Variants in PLAAT3 observed in about 807,000 individuals in gnomAD.
The protein encoded by PLAAT3 is Ca-independent phospholipase A1/2.
A neutral mutation model predicts 16.7 loss-of-function variants in PLAAT3; 21 were observed. The ratio of observed to expected loss-of-function variants is 1.26; its 90% CI spans 0.89 to 1.81. The LOEUF (loss-of-function observed/expected upper bound fraction) is 1.81. Ranked by LOEUF, PLAAT3 falls within the 40% of genes most tolerant of loss-of-function variation. The pLI is 0.00. For synonymous variants in PLAAT3, 76 were observed against 81.7 expected (o/e 0.93, Z 0.38); for missense variants, 219 against 213.7 (o/e 1.02, Z -0.16).
At chr11:63,592,351 G>A (rs929756806) in intron 3 of PLAAT3, among the ~76,000 whole-genome samples, 1 of 152,024 alleles carries the variant, frequency 6.6e-6, no homozygotes, top group Non-Finnish European at 1.5e-5. Flanking sequence ...ATTTTCAGTA[G>A]AGATGGGGTT....
At position 63,592,145 on chromosome 11, in the gene PLAAT3, C is replaced by T. The variant is rs114703407; in HGVS notation, c.119-1777G>A. Among the ~76,000 whole-genome samples, 947 of 152,234 alleles carry T rather than the reference C, an allele frequency of 6.2e-3. 11 individuals are homozygous for T. The highest frequency in any genetic ancestry group is 0.021 in the African/African-American group (881 of 41,532). On this transcript the variant is annotated intron_variant, in intron 3 of 4. Transcript: ENST00000415826. ...AAATTGATGCACAAATACATATCAACACAGTAATTTAAAGTTCCTTCTTTT... is the reference window on the plus strand; with the variant it reads ...AAATTGATGCACAAATACATATCAATACAGTAATTTAAAGTTCCTTCTTTT...
At chr11:63,578,341 G>C (rs1937686071) in intron 4 of PLAAT3, among the ~76,000 whole-genome samples, 1 of 151,438 alleles carries the variant, frequency 6.6e-6, no homozygotes, top group South Asian at 2.1e-4. Context: ...ATGGATAAAA[G>C]TAGACCTACA....
chr11:63,598,283 T>A (rs1348049785), intron 2 of PLAAT3, 120 bp from the exon 3 acceptor site: 1 of 687,972 alleles, frequency 1.5e-6, no homozygotes, highest in Admixed American at 2.2e-5. Context: ...ACATATGTCC[T>A]GAGCCCTGCT....
upstream of PLAAT3, among the ~76,000 whole-genome samples, chr11:63,616,082 C>A (rs1938866033): frequency 6.6e-6 from 1 of 152,100 alleles, no homozygotes; most frequent in African/African-American, 2.4e-5. Context: ...ATATGCATTA[C>A]CTCACATACT....
rs1351107163 is a variant in PLAAT3, at chr11:63,606,105, G to C, written c.15+7895C>G. 3.9e-5 allele frequency among the ~76,000 whole-genome samples: 6 copies of C among 152,114 alleles called. No homozygotes were observed. The South Asian group carries it at 1.2e-3, about 32-fold the overall frequency. ...CCCCTCTTCCGCCATCAAGAGCGCG[G>C]TGTAAGCGGCCAACGACACCCCTGG... On this transcript the variant is annotated intron_variant, in intron 2 of 4. Coordinates refer to ENST00000415826, the MANE Select transcript of PLAAT3 (RefSeq NM_001128203.2).
intron 2 of PLAAT3, among the ~76,000 whole-genome samples, chr11:63,610,259 G>A (rs1938661391): frequency 6.6e-6 from 1 of 152,176 alleles, no homozygotes. Flanking sequence ...CCTCGAGATG[G>A]GCTCAACATG....
At chr11:63,614,887 C>T (rs1277614517), upstream of PLAAT3, among the ~76,000 whole-genome samples, 1 of 150,364 alleles carries the variant, frequency 6.7e-6, no homozygotes, top group African/African-American at 2.4e-5. Flanking sequence ...TGGAGGCATG[C>T]GCCTGTAGTC....
At chr11:63,583,944 T>G (rs966809633) in intron 4 of PLAAT3, among the ~76,000 whole-genome samples, 5 of 152,212 alleles carry the variant, frequency 3.3e-5, no homozygotes, top group African/African-American at 1.2e-4. Context: ...TGCCTTCACT[T>G]TCAACAATGT....
At chr11:63,589,001 G>A (rs1472719621) in intron 4 of PLAAT3, among the ~76,000 whole-genome samples, 4 of 146,436 alleles carry the variant, frequency 2.7e-5, no homozygotes, top group Admixed American at 6.8e-5. Flanking sequence ...AAAAAAAAGA[G>A]GAGGATAATT....
chr11:63,602,819 G>A (rs531175595), intron 2 of PLAAT3, among the ~76,000 whole-genome samples: 20 of 152,238 alleles, frequency 1.3e-4, no homozygotes, highest in Non-Finnish European at 2.5e-4. Context: ...ATGGCCAGGC[G>A]CAGCGGCTCA....
chr11:63,604,992 T>C (rs1019029074), intron 2 of PLAAT3, among the ~76,000 whole-genome samples: 5 of 152,218 alleles, frequency 3.3e-5, no homozygotes, highest in African/African-American at 9.6e-5. Flanking sequence ...GTTTTTGTGA[T>C]AATTTTTGCT....
chr11:63,597,462 C>T (rs1453261688), intron 3 of PLAAT3, among the ~76,000 whole-genome samples: 1 of 152,080 alleles, frequency 6.6e-6, no homozygotes, highest in African/African-American at 2.4e-5. Context: ...GGAGGCGGAG[C>T]TTGCAGTAAG....
At chr11:63,590,695 T>A (rs1201880213) in intron 3 of PLAAT3, among the ~76,000 whole-genome samples, 1 of 152,176 alleles carries the variant, frequency 6.6e-6, no homozygotes, top group Non-Finnish European at 1.5e-5. Context: ...CTCATCCACC[T>A]GGGAAGATAA....
intron 4 of PLAAT3, among the ~76,000 whole-genome samples, chr11:63,578,809 T>C (rs1012930185): frequency 6.6e-6 from 1 of 151,408 alleles, no homozygotes; most frequent in African/African-American, 2.4e-5. Flanking sequence ...GACATAGGCA[T>C]GGGCAAGGAC....
At chr11:63,580,194 GATA>G (rs1334149778) in intron 4 of PLAAT3, among the ~76,000 whole-genome samples, 1 of 152,178 alleles carries the variant, frequency 6.6e-6, no homozygotes. Flanking sequence ...GAGATTCCAG[GATA>G]ACAACTTAGT....
At chr11:63,613,263 T>G (rs1405630683) in intron 2 of PLAAT3, among the ~76,000 whole-genome samples, 1 of 151,828 alleles carries the variant, frequency 6.6e-6, no homozygotes, top group Non-Finnish European at 1.5e-5. Flanking sequence ...TACAAAAAAT[T>G]AGCCAGGCGT....
chr11:63,585,029 CTTTT>C (rs1240361862), intron 4 of PLAAT3, among the ~76,000 whole-genome samples: 1 of 139,658 alleles, frequency 7.2e-6, no homozygotes, highest in Non-Finnish European at 1.6e-5. Context: ...CATCGAAGTT[CTTTT>C]TTTTTTTTTT....
chr11:63,611,717 G>A (rs1471983523), intron 2 of PLAAT3, among the ~76,000 whole-genome samples: 1 of 152,186 alleles, frequency 6.6e-6, no homozygotes, highest in Non-Finnish European at 1.5e-5. Context: ...AATGATGTTT[G>A]AAAGCCTGGG....
At chr11:63,613,795 G>A (rs773779529) in intron 2 of PLAAT3, among the ~76,000 whole-genome samples, 3 of 152,244 alleles carry the variant, frequency 2.0e-5, no homozygotes, top group East Asian at 3.9e-4. Context: ...CCCCCACACC[G>A]GCCCCCGGAA....
Sources: allele counts gnomAD v4.1 joint callset (sites outside exome capture counted in the v4.1 genomes callset), GRCh38; gene constraint gnomAD v4.1.1; transcripts MANE v1.5; gene names NCBI Gene and HGNC (gene_info 2026-07-23, HGNC 2026-07-21).